The following SH3RF2 variants were observed in gnomAD, a reference collection of about 807,000 sequenced individuals.
SH3RF2 encodes the protein E3 ubiquitin-protein ligase SH3RF2.
SH3RF2 carries 43 observed loss-of-function variants against 59.0 expected under a neutral mutation model. The ratio of observed to expected loss-of-function variants is 0.73; its 90% CI spans 0.57 to 0.94. The LOEUF (loss-of-function observed/expected upper bound fraction) is 0.94. SH3RF2 is among the 40% of genes least tolerant of loss of function. The probability of loss-of-function intolerance (pLI) is 0.00; values close to 1 mark genes in which losing one functional copy is unlikely to be tolerated. For synonymous variants in SH3RF2, 391 were observed against 391.5 expected (o/e 1.00, Z 0.01); for missense variants, 930 against 940.1 (o/e 0.99, Z 0.14).
intron 3 of SH3RF2, among the ~76,000 whole-genome samples, chr5:146,003,140 G>A (rs1168818357): frequency 1.3e-5 from 2 of 152,176 alleles, no homozygotes; most frequent in African/African-American, 4.8e-5. Context: ...GACAAGGAAA[G>A]GTGTTTCTAA....
intron 7 of SH3RF2, among the ~76,000 whole-genome samples, chr5:146,052,356 G>A (rs1266491589): frequency 1.3e-5 from 2 of 152,088 alleles, no homozygotes; most frequent in Non-Finnish European, 1.5e-5. Context: ...GGTCTATTGT[G>A]TTCTTGGGCA....
chr5:145,940,212 T>G (rs1757766124), intron 2 of SH3RF2, among the ~76,000 whole-genome samples: 1 of 152,216 alleles, frequency 6.6e-6, no homozygotes. Context: ...CAAGGGCTCC[T>G]GTGTTCAGGC....
intron 7 of SH3RF2, among the ~76,000 whole-genome samples, chr5:146,054,319 G>C (rs960035132): frequency 2.6e-5 from 4 of 152,110 alleles, no homozygotes; most frequent in Non-Finnish European, 4.4e-5. Flanking sequence ...GGGACTGATG[G>C]AATAAGGCTG....
chr5:145,953,103 GTCTC>G (rs58627935), intron 2 of SH3RF2, among the ~76,000 whole-genome samples: 11,633 of 145,994 alleles, frequency 0.08, 1,490 homozygotes, highest in African/African-American at 0.27. Context: ...AACACCAACA[GTCTC>G]TCTCTCTCTC....
chr5:145,965,907 T>C (rs1758839558), intron 2 of SH3RF2, among the ~76,000 whole-genome samples: 2 of 152,204 alleles, frequency 1.3e-5, no homozygotes, highest in Admixed American at 6.5e-5. Flanking sequence ...ATGAGAAGCA[T>C]TTTATCAGAA....
chr5:146,026,672 G>A lies in SH3RF2; in HGVS notation c.1059+12611G>A, dbSNP rs116291472. On this transcript the variant is annotated intron_variant, in intron 5 of 9. Coordinates refer to ENST00000359120, the MANE Select transcript of SH3RF2 (RefSeq NM_152550.4). The stretch of plus-strand genomic sequence containing the variant: ...GGTATTGGGTAGAGCTATTCTCTGA[G>A]GCAAAGAGCTTCTCAGCACAGGCAG... Among the ~76,000 whole-genome samples the A allele has an allele frequency of 6.8e-3, 1,029 of 152,262 alleles. 14 individuals carry two copies. The highest frequency in any genetic ancestry group is 0.024 in the African/African-American group (1,005 of 41,544).
At chr5:145,962,887 A>AAT (rs1225204323) in intron 2 of SH3RF2, among the ~76,000 whole-genome samples, 8 of 105,914 alleles carry the variant, frequency 7.6e-5, no homozygotes, top group African/African-American at 3.1e-4. Context: ...GTATTATTCC[A>AAT]CTTTTTTTTT....
chr5:145,949,395 G>T (rs1346147952), intron 2 of SH3RF2, among the ~76,000 whole-genome samples: 1 of 152,244 alleles, frequency 6.6e-6, no homozygotes, highest in Non-Finnish European at 1.5e-5. Flanking sequence ...ATAGAACTCT[G>T]CAGGTCTGTG....
At chr5:146,079,514 T>C (rs1177186639) in exon 10 of SH3RF2, 1 of 152,200 alleles carries the variant, frequency 6.6e-6, no homozygotes, top group Non-Finnish European at 1.5e-5. Context: ...CACTGGGATA[T>C]GTCGGTTGTT....
Position 145,963,139 on chromosome 5 carries a change from C to A in SH3RF2, c.378+24833C>A, listed in dbSNP as rs1162521738. Among the ~76,000 whole-genome samples the A allele has an allele frequency of 5.3e-5, 8 of 151,838 alleles. 1 individual carries two copies. Among genetic ancestry groups the A allele is most frequent in the Non-Finnish European group, 1.2e-4 (8 of 67,968 alleles). ...GTCTCGATCTCCTGACCTCATAATC[C>A]ACCCACCTCGGCCTCCCAAAGTGCT... On this transcript the variant is annotated intron_variant, in intron 2 of 9. Coordinates refer to ENST00000359120, the MANE Select transcript of SH3RF2 (RefSeq NM_152550.4).
At chr5:145,953,337 G>A (rs1243923516) in intron 2 of SH3RF2, among the ~76,000 whole-genome samples, 1 of 152,172 alleles carries the variant, frequency 6.6e-6, no homozygotes, top group African/African-American at 2.4e-5. Flanking sequence ...CAATGAGGGA[G>A]AACATCCTGA....
In SH3RF2 at chr5:146,053,788, G is replaced by A. The variant is rs538527975; in HGVS notation, c.1323-2193G>A. Among the ~76,000 whole-genome samples the A allele has an allele frequency of 2.6e-5, 4 of 152,250 alleles. No individual in the cohort carries two copies. In the South Asian group the frequency reaches 6.2e-4, roughly 24 times the overall value. ...TATGCCTACCTGGTGCCTTATGGGT[G>A]GAGAAAAGTGACAAATGGGCCACCA... is the stretch of plus-strand genomic sequence containing the variant. On this transcript the variant is annotated intron_variant, in intron 7 of 9. Coordinates refer to ENST00000359120, the MANE Select transcript of SH3RF2 (RefSeq NM_152550.4).
At chr5:146,010,912 T>C (rs545793067) in intron 4 of SH3RF2, among the ~76,000 whole-genome samples, 1 of 152,288 alleles carries the variant, frequency 6.6e-6, no homozygotes, top group South Asian at 2.1e-4. Flanking sequence ...TTTTGGCTTT[T>C]GTTGCCATTG....
intron 2 of SH3RF2, among the ~76,000 whole-genome samples, chr5:145,992,037 A>C (rs1759953690): frequency 6.6e-6 from 1 of 152,146 alleles, no homozygotes; most frequent in African/African-American, 2.4e-5. Flanking sequence ...TCACATTTTT[A>C]ACACCTCCCA....
At chr5:145,949,674 G>A (rs1758120884) in intron 2 of SH3RF2, among the ~76,000 whole-genome samples, 1 of 152,156 alleles carries the variant, frequency 6.6e-6, no homozygotes, top group African/African-American at 2.4e-5. Flanking sequence ...GAGGAACAGA[G>A]GGAGAGAACA....
rs80165924 is a variant in SH3RF2, at chr5:146,047,737, T to C, written c.1060-35T>C. On this transcript the variant is annotated intron_variant, in intron 5 of 9. Coordinates refer to ENST00000359120, the MANE Select transcript of SH3RF2 (RefSeq NM_152550.4). ...CTGTGGGCCTGGGTTGTGGCATTCA[T>C]TGGTTCTGCTTGGCTGTCTTTTCTG... The C allele has an allele frequency of 5.4e-3, 8,647 of 1,604,830 alleles. 342 individuals are homozygous for C. In the African/African-American group the frequency reaches 0.092, roughly 17 times the overall value.
intron 9 of SH3RF2, 139 bp downstream of exon 9, chr5:146,060,363 C>A: frequency 2.9e-6 from 2 of 701,432 alleles, no homozygotes; most frequent in Non-Finnish European, 4.5e-6. Context: ...AACACTCCTC[C>A]TCCCCAACTC....
At chr5:145,970,857 A>G (rs748393932) in intron 2 of SH3RF2, among the ~76,000 whole-genome samples, 1 of 152,192 alleles carries the variant, frequency 6.6e-6, no homozygotes, top group Non-Finnish European at 1.5e-5. Flanking sequence ...AGAGGTTCTG[A>G]TAATTTATGA....
intron 2 of SH3RF2, among the ~76,000 whole-genome samples, chr5:145,989,100 C>T (rs762814697): frequency 6.6e-5 from 10 of 152,178 alleles, no homozygotes; most frequent in Admixed American, 2.0e-4. Context: ...CACGTGGGCT[C>T]TTCCAGCAAA....
Sources: gnomAD v4.1 joint callset for allele counts (sites outside exome capture counted in the v4.1 genomes callset) on GRCh38, gnomAD v4.1.1 for gene constraint, MANE v1.5 for transcripts, NCBI Gene and HGNC (gene_info 2026-07-23, HGNC 2026-07-21) for gene names.